TGFBI: variants seen among roughly 807,000 people sequenced by gnomAD.
TGFBI encodes transforming growth factor-beta-induced protein ig-h3.
TGFBI carries 50 observed loss-of-function variants against 73.7 expected under a neutral mutation model. The observed-to-expected ratio is 0.68, with a 90% CI of 0.54 to 0.86. The LOEUF is 0.86. TGFBI is among the 40% of genes least tolerant of loss of function. TGFBI has a pLI of 0.00. For missense variants in TGFBI, 839 were observed against 877.0 expected (o/e 0.96, Z 0.55); for synonymous variants, 362 against 360.5 (o/e 1.00, Z -0.05).
intron 7 of TGFBI, 197 bp downstream of exon 7, chr5:136,049,777 A>G: frequency 1.7e-6 from 1 of 581,350 alleles, no homozygotes; most frequent in Admixed American, 3.1e-5. Flanking sequence ...CTGAGGGCTG[A>G]CTACAGAATC....
At position 136,033,861 on chromosome 5, in the gene TGFBI, C is replaced by T. The variant is rs760027441; in HGVS notation, c.233C>T (p.Thr78Ile). The change falls in exon 2 of 17, where the codon ACA (threonine) becomes ATA (isoleucine). Residue 78 changes from threonine to isoleucine, a missense_variant and splice_region_variant. Coordinates refer to ENST00000442011, the MANE Select transcript of TGFBI (RefSeq NM_000358.3). ...CAAAGGAAAATCTGTGGCAAATCAA[C>T]GTGAGTATCTGTAACCAGCCAGGAG... ...WYQRKICGKS[T>I]VISYECCPGY... 9.9e-6 allele frequency: 16 copies of T among 1,612,892 alleles called. No homozygotes were observed. The highest frequency in any genetic ancestry group is 8.8e-5 in the South Asian group (8 of 90,788).
At chr5:136,047,154 C>T (rs928923407) in intron 5 of TGFBI, 120 bp from the exon 6 acceptor site, 3 of 1,532,002 alleles carry the variant, frequency 2.0e-6, no homozygotes, top group Non-Finnish European at 2.6e-6. Context: ...GCCCTCTATT[C>T]CACAGCTTGT....
At chr5:136,042,920 C>T (rs1335325180) in intron 2 of TGFBI, among the ~76,000 whole-genome samples, 1 of 152,202 alleles carries the variant, frequency 6.6e-6, no homozygotes, top group Admixed American at 6.5e-5. Context: ...CCAGAGGCCC[C>T]TCCAGAGCCC....
In TGFBI at chr5:136,063,339, T is replaced by A; in HGVS notation, c.*113T>A. ...ACCAAGTATCACACTTTAATGTACA[T>A]GGGCCGCACCATAATGAGATGTGAG... On this transcript the variant is annotated 3_prime_UTR_variant, in exon 17 of 17. Coordinates refer to ENST00000442011, the MANE Select transcript of TGFBI (RefSeq NM_000358.3). The A allele has an allele frequency of 1.1e-6, 1 of 931,336 alleles. No individual in the cohort carries two copies. Among genetic ancestry groups the A allele is most frequent in the Non-Finnish European group, 1.7e-6 (1 of 585,378 alleles). The allele number at this position is 931,336 out of a possible 1,614,324, so 57.7% of individuals were successfully genotyped here.
At chr5:136,057,704 C>G (rs1031468345) in intron 12 of TGFBI, among the ~76,000 whole-genome samples, 1 of 152,072 alleles carries the variant, frequency 6.6e-6, no homozygotes, top group African/African-American at 2.4e-5. Flanking sequence ...ACCTTGGGGC[C>G]CACATTGTCT....
chr5:136,063,124 G>A, intron 16 of TGFBI, 62 bp from the exon 17 acceptor site: 1 of 1,488,150 alleles, frequency 6.7e-7, no homozygotes, highest in Non-Finnish European at 9.4e-7. Flanking sequence ...GATTCTGACA[G>A]TGTCCTAGAC....
chr5:136,047,240 G>A (rs1178787498), intron 5 of TGFBI, 34 bp from the exon 6 acceptor site: 1 of 1,611,278 alleles, frequency 6.2e-7, no homozygotes, highest in Admixed American at 1.7e-5. Flanking sequence ...CCTCTGTTGT[G>A]TTGACTGCTC....
chr5:136,060,222 A>G (rs1289009602), intron 13 of TGFBI, among the ~76,000 whole-genome samples: 1 of 152,260 alleles, frequency 6.6e-6, no homozygotes, highest in Non-Finnish European at 1.5e-5. Flanking sequence ...GGAATGGGAC[A>G]ATAATATCTA....
intron 8 of TGFBI, 143 bp from the exon 9 acceptor site, chr5:136,053,800 C>A (rs1013473698): frequency 1.2e-5 from 15 of 1,202,748 alleles, no homozygotes; most frequent in Non-Finnish European, 1.7e-5. Context: ...ATGACACAAG[C>A]CCGCTGGGCC....
Position 136,049,494 on chromosome 5 carries a change from C to A in TGFBI, c.827C>A (p.Thr276Lys). The A allele has an allele frequency of 6.2e-7, 1 of 1,614,004 alleles. No individual in the cohort carries two copies. The highest frequency in any genetic ancestry group is 8.5e-7 in the Non-Finnish European group (1 of 1,179,890). The change falls in exon 7 of 17, where the codon ACG becomes AAG. Residue 276 changes from threonine (T) to lysine (K), a missense_variant. Thr to Lys is a moderately conservative substitution (Grantham distance 78). Transcript: ENST00000442011. Reference protein sequence around the residue: ...NTMLEGNGQYTLLAPTNEAFE... With the variant: ...NTMLEGNGQYKLLAPTNEAFE... ...ATGCTTGAAGGTAACGGCCAGTACA[C>A]GCTTTTGGCCCCGACCAATGAGGCC...
intron 1 of TGFBI, among the ~76,000 whole-genome samples, chr5:136,032,808 T>C (rs1405045767): frequency 6.6e-6 from 1 of 152,070 alleles, no homozygotes. Flanking sequence ...TAATGAAGCT[T>C]TCACAATCAC....
intron 12 of TGFBI, 23 bp from the exon 13 acceptor site, chr5:136,059,067 T>A (rs1213029243): frequency 6.2e-7 from 1 of 1,606,316 alleles, no homozygotes; most frequent in Non-Finnish European, 8.5e-7. Flanking sequence ...ATTAACTCTA[T>A]CTCCTTTTCC....
At chr5:136,047,965 T>G (rs1003305231) in intron 6 of TGFBI, 1 of 152,752 alleles carries the variant, frequency 6.5e-6, no homozygotes, top group Non-Finnish European at 1.5e-5. Context: ...AGCAGGCATT[T>G]GTCTTACAAC....
At chr5:136,035,072 T>C (rs1435244107) in intron 2 of TGFBI, among the ~76,000 whole-genome samples, 1 of 152,166 alleles carries the variant, frequency 6.6e-6, no homozygotes, top group African/African-American at 2.4e-5. Flanking sequence ...CTAATATGAA[T>C]TGAGGGAAGT....
At position 136,033,787 on chromosome 5, in the gene TGFBI, G is replaced by A; in HGVS notation, c.159G>A (p.Lys53=). 2 of 1,613,998 alleles carry A rather than the reference G, an allele frequency of 1.2e-6. No individual in the cohort carries two copies. The highest frequency in any genetic ancestry group is 1.7e-6 in the Non-Finnish European group (2 of 1,179,876). ...QHGPNVCAVQ[K]VIGTNRKYFT... The stretch of plus-strand genomic sequence containing the variant: ...GCCCCAACGTGTGTGCTGTGCAGAA[G>A]GTTATTGGCACTAATAGGAAGTACT... The change falls in exon 2 of 17, where the codon AAG becomes AAA. Residue 53 remains lysine (K), a synonymous_variant. Transcript: ENST00000442011.
chr5:136,031,484 A>T (rs1481603706), intron 1 of TGFBI, among the ~76,000 whole-genome samples: 1 of 152,258 alleles, frequency 6.6e-6, no homozygotes, highest in Non-Finnish European at 1.5e-5. Context: ...ACACAGTGAG[A>T]TCTACTGTTC....
intron 8 of TGFBI, among the ~76,000 whole-genome samples, 155 bp from the exon 9 acceptor site, chr5:136,053,788 T>C (rs1267232666): frequency 6.6e-6 from 1 of 152,344 alleles, no homozygotes; most frequent in Admixed American, 6.5e-5. Context: ...ACTGTTCCCC[T>C]GATGACACAA....
chr5:136,041,966 C>T (rs1025076971), intron 2 of TGFBI, among the ~76,000 whole-genome samples: 1 of 152,208 alleles, frequency 6.6e-6, no homozygotes, highest in East Asian at 1.9e-4. Flanking sequence ...ATAGAGAGTA[C>T]TGCACCCGTG....
intron 3 of TGFBI, 63 bp from the exon 4 acceptor site, chr5:136,046,272 G>C: frequency 1.3e-6 from 2 of 1,592,070 alleles, no homozygotes; most frequent in South Asian, 2.2e-5. Context: ...TGTCAGAGAA[G>C]GGAGGGTGTG....
Sources: gnomAD v4.1 joint callset for allele counts (sites outside exome capture counted in the v4.1 genomes callset) on GRCh38, gnomAD v4.1.1 for gene constraint, MANE v1.5 for transcripts, NCBI Gene and HGNC (gene_info 2026-07-23, HGNC 2026-07-21) for gene names.